The following RPS6KC1 variants were observed in gnomAD, a reference collection of about 807,000 sequenced individuals.
RPS6KC1 encodes the protein ribosomal protein S6 kinase C1, also known as inactive ribosomal protein S6 kinase delta-1.
A neutral mutation model predicts 103.8 loss-of-function variants in RPS6KC1; 54 were observed. The ratio of observed to expected loss-of-function variants is 0.52; its 90% CI spans 0.42 to 0.65. The LOEUF (loss-of-function observed/expected upper bound fraction) is 0.65. Ranked by LOEUF, RPS6KC1 falls within the 30% of genes least tolerant of loss-of-function variation. The probability of loss-of-function intolerance (pLI) is 0.00; values close to 1 mark genes in which losing one functional copy is unlikely to be tolerated. For missense variants in RPS6KC1, 1,151 were observed against 1,253.8 expected, an observed-to-expected ratio of 0.92 and a Z score of 1.24; for synonymous variants, 439 against 438.7, an observed-to-expected ratio of 1.00 and a Z score of -0.01.
chr1:213,467,061 T>C, the RPS6KC1 span, among the ~76,000 whole-genome samples: 1 of 152,150 alleles, frequency 6.6e-6, no homozygotes, highest in Non-Finnish European at 1.5e-5. Flanking sequence ...TTTTTACTCT[T>C]GCATCTGTGG....
chr1:213,122,253 T>A (rs760836311), intron 5 of RPS6KC1, among the ~76,000 whole-genome samples: 4 of 152,156 alleles, frequency 2.6e-5, no homozygotes, highest in Non-Finnish European at 5.9e-5. Context: ...TAATAATTCT[T>A]TACGGTGTGT....
chr1:213,784,715 G>A, the RPS6KC1 span, among the ~76,000 whole-genome samples: 3 of 152,164 alleles, frequency 2.0e-5, no homozygotes, highest in African/African-American at 7.2e-5. Context: ...CCAACTGGAT[G>A]GCGCTTTTCA....
chr1:213,471,456 C>T, the RPS6KC1 span, among the ~76,000 whole-genome samples: 1 of 152,254 alleles, frequency 6.6e-6, no homozygotes, highest in East Asian at 1.9e-4. Flanking sequence ...AAGCACAGAA[C>T]CAGTAGCCAG....
intron 12 of RPS6KC1, among the ~76,000 whole-genome samples, chr1:213,243,572 C>A (rs1049336938): frequency 6.6e-6 from 1 of 152,022 alleles, no homozygotes; most frequent in Non-Finnish European, 1.5e-5. Flanking sequence ...GGTATTAGAT[C>A]TTTTATTGAC....
the RPS6KC1 span, among the ~76,000 whole-genome samples, chr1:213,695,381 T>C: frequency 6.6e-6 from 1 of 152,112 alleles, no homozygotes; most frequent in Non-Finnish European, 1.5e-5. Flanking sequence ...ACAATACCTG[T>C]GAAGAAGTCA....
chr1:213,602,621 G>T, the RPS6KC1 span, among the ~76,000 whole-genome samples: 1 of 152,114 alleles, frequency 6.6e-6, no homozygotes, highest in Non-Finnish European at 1.5e-5. Context: ...CCCAAGAGAA[G>T]AGGTTTTCTT....
the RPS6KC1 span, among the ~76,000 whole-genome samples, chr1:213,296,128 C>A: frequency 0.015 from 2,275 of 152,264 alleles, 29 homozygotes; most frequent in Non-Finnish European, 0.022. Context: ...ATCAGAGTGG[C>A]CACTGAAGTT....
the RPS6KC1 span, among the ~76,000 whole-genome samples, chr1:213,773,762 A>C: frequency 0.028 from 4,301 of 152,168 alleles, 89 homozygotes; most frequent in East Asian, 0.058. Flanking sequence ...CCTTCCATTG[A>C]TTAGATGACA....
the RPS6KC1 span, among the ~76,000 whole-genome samples, chr1:213,589,935 A>G: frequency 0.012 from 1,577 of 129,786 alleles, 11 homozygotes; most frequent in Non-Finnish European, 0.015. Flanking sequence ...GACAAAAGGT[A>G]GTGGTGTGTG....
chr1:213,060,903 T>A (rs1298950677), intron 1 of RPS6KC1, among the ~76,000 whole-genome samples: 1 of 152,154 alleles, frequency 6.6e-6, no homozygotes, highest in Non-Finnish European at 1.5e-5. Flanking sequence ...TAACAAGATA[T>A]TATAGACTAG....
chr1:213,261,477 G>T (rs2094794667), intron 12 of RPS6KC1, 81 bp from the exon 13 acceptor site: 2 of 1,258,414 alleles, frequency 1.6e-6, no homozygotes, highest in Non-Finnish European at 2.3e-6. Context: ...CATTAAAAAG[G>T]TCACCTTGCT....
the RPS6KC1 span, among the ~76,000 whole-genome samples, chr1:213,648,570 T>A: frequency 6.6e-6 from 1 of 152,114 alleles, no homozygotes; most frequent in Non-Finnish European, 1.5e-5. Context: ...TTGTAAGCCC[T>A]TGGAGCTCAC....
At chr1:213,627,033 C>T in the RPS6KC1 span, among the ~76,000 whole-genome samples, 821 of 152,254 alleles carry the variant, frequency 5.4e-3, 4 homozygotes, top group African/African-American at 0.019. Context: ...GCCATTTTCA[C>T]GATACTGATT....
chr1:213,077,308 A>G (rs2079432386), intron 2 of RPS6KC1, among the ~76,000 whole-genome samples: 2 of 152,216 alleles, frequency 1.3e-5, no homozygotes. Context: ...GCCAATTGTA[A>G]TTGGTTTTTG....
intron 6 of RPS6KC1, among the ~76,000 whole-genome samples, chr1:213,143,179 A>G (rs1285069348): frequency 6.6e-6 from 1 of 152,078 alleles, no homozygotes; most frequent in African/African-American, 2.4e-5. Flanking sequence ...TTTAGTAGAT[A>G]TTCAACTGTT....
At chr1:213,396,037 G>A in the RPS6KC1 span, among the ~76,000 whole-genome samples, 1 of 152,220 alleles carries the variant, frequency 6.6e-6, no homozygotes, top group African/African-American at 2.4e-5. Flanking sequence ...ATTGGCAAAG[G>A]CTTGAAGGTG....
the RPS6KC1 span, among the ~76,000 whole-genome samples, chr1:213,735,112 A>G: frequency 1.3e-5 from 2 of 152,090 alleles, no homozygotes; most frequent in East Asian, 1.9e-4. Context: ...TTTAGTAGAG[A>G]TGGGGTTTCA....
chr1:213,372,687 G>T, the RPS6KC1 span, among the ~76,000 whole-genome samples: 1 of 152,148 alleles, frequency 6.6e-6, no homozygotes, highest in African/African-American at 2.4e-5. Context: ...GACAAGTTCC[G>T]TGCAACATGT....
chr1:213,855,676 A>G, the RPS6KC1 span, among the ~76,000 whole-genome samples: 1 of 152,296 alleles, frequency 6.6e-6, no homozygotes, highest in East Asian at 1.9e-4. Context: ...TACCTCATAC[A>G]GTGCTAGCCA....
Sources: gnomAD v4.1 joint callset for allele counts (sites outside exome capture counted in the v4.1 genomes callset) on GRCh38, gnomAD v4.1.1 for gene constraint, MANE v1.5 for transcripts, NCBI Gene and HGNC (gene_info 2026-07-23, HGNC 2026-07-21) for gene names.